Variants in EZH2 observed in about 807,000 individuals in gnomAD.
EZH2 encodes enhancer of zeste 2 polycomb repressive complex 2 subunit.
A neutral mutation model predicts 98.4 loss-of-function variants in EZH2; 18 were observed. The ratio of observed to expected loss-of-function variants is 0.18; its 90% CI spans 0.13 to 0.27. The LOEUF (loss-of-function observed/expected upper bound fraction) is 0.27, where lower values mean the gene tolerates loss of function less well. Ranked by LOEUF, EZH2 falls within the 10% of genes least tolerant of loss-of-function variation. The probability of loss-of-function intolerance (pLI) is 1.00; values close to 1 mark genes in which losing one functional copy is unlikely to be tolerated. For missense variants in EZH2, 470 were observed against 935.1 expected (o/e 0.50, Z 6.49); for synonymous variants, 338 against 312.3 (o/e 1.08, Z -0.87).
chr7:148,854,361 G>A (rs576897494), intron 1 of EZH2, among the ~76,000 whole-genome samples: 34 of 151,898 alleles, frequency 2.2e-4, no homozygotes, highest in Admixed American at 1.6e-3. Flanking sequence ...GCGTGAACCC[G>A]GGAGGCAGAG....
intron 19 of EZH2, among the ~76,000 whole-genome samples, chr7:148,808,744 G>A (rs1162772579): frequency 2.0e-5 from 3 of 152,114 alleles, no homozygotes; most frequent in East Asian, 3.9e-4. Context: ...CAGTGTGATC[G>A]CACTTATCTG....
At position 148,809,396 on chromosome 7, in the gene EZH2, A is replaced by C; in HGVS notation, c.2030-6T>G. 1 of 1,596,040 alleles carries C rather than the reference A, an allele frequency of 6.3e-7. No homozygotes were observed. Among genetic ancestry groups the C allele is most frequent in the Non-Finnish European group, 8.6e-7 (1 of 1,164,942 alleles). Reference sequence around the variant, plus strand: ...GGTTGCATCCACCACAAAATCTAAAAAGAAAAAAGTAAGCACAGCCCAGTG... The same window carrying C: ...GGTTGCATCCACCACAAAATCTAAACAGAAAAAAGTAAGCACAGCCCAGTG... On this transcript the variant is annotated splice_polypyrimidine_tract_variant and splice_region_variant and intron_variant, in intron 17 of 19. Coordinates refer to ENST00000320356, the MANE Select transcript of EZH2 (RefSeq NM_004456.5).
At chr7:148,810,237 C>A in intron 17 of EZH2, 96 bp downstream of exon 17, 1 of 842,262 alleles carries the variant, frequency 1.2e-6, no homozygotes, top group Non-Finnish European at 2.0e-6. Context: ...CTTCTGGTCA[C>A]CTCACTGACC....
chr7:148,838,000 G>A (rs1811342806), intron 3 of EZH2, among the ~76,000 whole-genome samples: 1 of 151,946 alleles, frequency 6.6e-6, no homozygotes, highest in South Asian at 2.1e-4. Context: ...CCAAGGGGCG[G>A]GGAATGATAA....
intron 1 of EZH2, among the ~76,000 whole-genome samples, chr7:148,867,627 T>C (rs1343515028): frequency 5.9e-5 from 9 of 152,202 alleles, no homozygotes; most frequent in Non-Finnish European, 1.2e-4. Flanking sequence ...ACCCCATGTA[T>C]CGTCCTCTTA....
At chr7:148,818,514 C>T (rs1805182048) in intron 9 of EZH2, among the ~76,000 whole-genome samples, 1 of 152,128 alleles carries the variant, frequency 6.6e-6, no homozygotes, top group Admixed American at 6.5e-5. Flanking sequence ...GAATCATATA[C>T]CTAATGTGCA....
chr7:148,840,887 T>C (rs548069152), intron 3 of EZH2, among the ~76,000 whole-genome samples: 101 of 152,296 alleles, frequency 6.6e-4, no homozygotes, highest in African/African-American at 2.3e-3. Context: ...GCACTTTTGT[T>C]TGTTTGGATT....
At chr7:148,864,883 T>C (rs1818213958) in intron 1 of EZH2, among the ~76,000 whole-genome samples, 1 of 151,822 alleles carries the variant, frequency 6.6e-6, no homozygotes, top group Non-Finnish European at 1.5e-5. Context: ...TCCTAGCACT[T>C]TGGGAGGCCA....
At chr7:148,841,509 T>G (rs1196827250) in intron 3 of EZH2, among the ~76,000 whole-genome samples, 1 of 152,208 alleles carries the variant, frequency 6.6e-6, no homozygotes, top group Admixed American at 6.5e-5. Flanking sequence ...GACAGACACT[T>G]GAAGAGCCAT....
intron 1 of EZH2, among the ~76,000 whole-genome samples, chr7:148,872,397 T>G (rs13227819): frequency 0.038 from 5,761 of 152,252 alleles, 154 homozygotes; most frequent in Non-Finnish European, 0.057. Context: ...ACAAAAAAGT[T>G]CTAGAGATCT....
At chr7:148,830,528 T>A (rs73745393) in intron 4 of EZH2, among the ~76,000 whole-genome samples, 3,693 of 152,240 alleles carry the variant, frequency 0.024, 144 homozygotes, top group African/African-American at 0.085. Context: ...TCCAATATAA[T>A]AAAATTCTAG....
intron 1 of EZH2, among the ~76,000 whole-genome samples, chr7:148,870,410 T>G (rs1462773742): frequency 6.6e-6 from 1 of 151,982 alleles, no homozygotes; most frequent in African/African-American, 2.4e-5. Context: ...GTTTAATAAG[T>G]ATAAAGTTCT....
chr7:148,853,064 A>G (rs1425241103), intron 1 of EZH2, among the ~76,000 whole-genome samples: 1 of 152,178 alleles, frequency 6.6e-6, no homozygotes, highest in East Asian at 1.9e-4. Context: ...CAAAGAGGGG[A>G]GAGGGTACAT....
intron 19 of EZH2, among the ~76,000 whole-genome samples, chr7:148,808,590 A>G (rs1374552608): frequency 6.6e-6 from 1 of 152,258 alleles, no homozygotes; most frequent in African/African-American, 2.4e-5. Flanking sequence ...GTGATCAGAC[A>G]GCGATTTGCC....
chr7:148,857,753 A>G (rs1035664127), intron 1 of EZH2, among the ~76,000 whole-genome samples: 16 of 148,484 alleles, frequency 1.1e-4, no homozygotes, highest in Non-Finnish European at 1.5e-5. Flanking sequence ...TCCGTCCCAA[A>G]TAAATAAATA....
intron 15 of EZH2, among the ~76,000 whole-genome samples, chr7:148,812,630 G>A (rs1197263320): frequency 6.6e-6 from 1 of 152,124 alleles, no homozygotes; most frequent in African/African-American, 2.4e-5. Context: ...GTCTTACAAA[G>A]AGGACATGTC....
At chr7:148,817,663 A>T (rs1278879699) in intron 10 of EZH2, 2 of 702,474 alleles carry the variant, frequency 2.8e-6, no homozygotes, top group Admixed American at 2.9e-5. Flanking sequence ...GTGCATCATC[A>T]GCTTTCAAAC....
intron 1 of EZH2, among the ~76,000 whole-genome samples, chr7:148,854,004 G>C (rs532134469): frequency 6.6e-6 from 1 of 152,302 alleles, no homozygotes; most frequent in Non-Finnish European, 1.5e-5. Flanking sequence ...CAAGGAATCA[G>C]CACTGTTCTC....
At chr7:148,871,649 A>G (rs1330984933) in intron 1 of EZH2, among the ~76,000 whole-genome samples, 2 of 150,072 alleles carry the variant, frequency 1.3e-5, no homozygotes, top group African/African-American at 4.9e-5. Context: ...ATAACAGCTC[A>G]CTGCAGCCTC....
Sources: gnomAD v4.1 joint callset for allele counts (sites outside exome capture counted in the v4.1 genomes callset) on GRCh38, gnomAD v4.1.1 for gene constraint, MANE v1.5 for transcripts, NCBI Gene and HGNC (gene_info 2026-07-23, HGNC 2026-07-21) for gene names.